The following ABCA10 variants were observed in gnomAD, a reference collection of about 807,000 sequenced individuals.
The protein encoded by ABCA10 is ATP-binding cassette sub-family A member 10.
A neutral mutation model predicts 187.5 loss-of-function variants in ABCA10; 169 were observed. That is an observed-to-expected ratio of 0.90 (90% CI 0.80 to 1.02). The LOEUF is 1.02. ABCA10 is among the 50% of genes least tolerant of loss of function. The pLI is 0.00. For missense variants in ABCA10, 1,727 were observed against 1,812.4 expected (o/e 0.95, Z 0.86); for synonymous variants, 574 against 601.8 (o/e 0.95, Z 0.68).
At chr17:69,224,219 A>C (rs1192603958) in intron 3 of ABCA10, among the ~76,000 whole-genome samples, 2 of 152,162 alleles carry the variant, frequency 1.3e-5, no homozygotes, top group Non-Finnish European at 2.9e-5. Flanking sequence ...TAAAATTCAG[A>C]GTTTGGAGGT....
chr17:69,201,544 A>G lies in ABCA10; in HGVS notation c.1131T>C (p.Ser377=). Residue 377 remains serine, a synonymous_variant, in exon 10 of 39, where the codon TCT becomes TCC. Coordinates refer to ENST00000690296, the MANE Select transcript of ABCA10 (RefSeq NM_001377321.1). ...GGAATTCTGGAGACACCGGTTCAAAAGAATCATCAGAGGAATGCTCAGGAT... is the reference window on the plus strand; with the variant it reads ...GGAATTCTGGAGACACCGGTTCAAAGGAATCATCAGAGGAATGCTCAGGAT... ...EINPEHSSDD[S]FEPVSPEFHG... 1 of 1,607,754 alleles carries G rather than the reference A, an allele frequency of 6.2e-7. No individual in the cohort carries two copies. The highest frequency in any genetic ancestry group is 1.1e-5 in the South Asian group (1 of 89,164).
Position 69,222,680 on chromosome 17 carries a change from T to C in ABCA10, c.52A>G (p.Thr18Ala). 2.5e-6 allele frequency: 4 copies of C among 1,581,318 alleles called. No homozygotes were observed. The highest frequency in any genetic ancestry group is 3.4e-6 in the Non-Finnish European group (4 of 1,171,334). The change falls in exon 4 of 39, where the codon ACA (threonine) becomes GCA (alanine). Residue 18 changes from threonine to alanine, a missense_variant. By Grantham distance (58) the Thr-to-Ala change is moderately conservative (BLOSUM62 0). Coordinates refer to ENST00000690296, the MANE Select transcript of ABCA10 (RefSeq NM_001377321.1). ...ATATCCATGGTCTCTTCATCTGGTG[T>C]CCCAATGACTGTTCTTCCTACCATG... The part of the protein sequence containing the change: ...SFMKGRTVIG[T>A]PDEETMDIEL...
chr17:69,229,672 G>C (rs1468887556), upstream of ABCA10, among the ~76,000 whole-genome samples: 2 of 151,720 alleles, frequency 1.3e-5, no homozygotes, highest in African/African-American at 4.8e-5. Context: ...GAAATAAATG[G>C]TTCCTTTAAT....
Position 69,162,902 on chromosome 17 carries a change from A to G in ABCA10, c.3363+1172T>C, listed in dbSNP as rs559499009. The stretch of plus-strand genomic sequence containing the variant: ...TGCCCAGGCTGGAGTGCAATGGCAC[A>G]ATCTCAGCTCACTGCAACCTCCATC... On this transcript the variant is annotated intron_variant, in intron 27 of 38. Coordinates refer to ENST00000690296, the MANE Select transcript of ABCA10 (RefSeq NM_001377321.1). Among the ~76,000 whole-genome samples the G allele has an allele frequency of 1.1e-4, 16 of 148,204 alleles. No homozygotes were observed. In the East Asian group the frequency reaches 3.2e-3, roughly 29 times the overall value.
intron 25 of ABCA10, among the ~76,000 whole-genome samples, chr17:69,169,918 T>C (rs776267839): frequency 6.6e-6 from 1 of 152,186 alleles, no homozygotes; most frequent in African/African-American, 2.4e-5. Context: ...TTCGTGGCCA[T>C]AGTATTTGTA....
chr17:69,194,367 A>G lies in ABCA10; in HGVS notation c.1345+18T>C, dbSNP rs2144806742. On this transcript the variant is annotated intron_variant, in intron 12 of 38. Transcript: ENST00000690296. ...CTTGCTTTTTCAGCCAACTTACTTT[A>G]TAAAACTGTTTTCTCACCTTCTGTA... The G allele has an allele frequency of 6.3e-7, 1 of 1,589,716 alleles. No individual in the cohort carries two copies.
chr17:69,185,744 G>A (rs1182503166), intron 19 of ABCA10, 101 bp from the exon 20 acceptor site: 2 of 873,486 alleles, frequency 2.3e-6, no homozygotes, highest in Non-Finnish European at 3.4e-6. Flanking sequence ...AAGTCCACAT[G>A]CATATGTGGT....
chr17:69,158,998 A>T (rs1598087593), intron 27 of ABCA10, among the ~76,000 whole-genome samples: 1 of 152,154 alleles, frequency 6.6e-6, no homozygotes, highest in East Asian at 1.9e-4. Flanking sequence ...TAAAATACAA[A>T]GGTTAGTCTA....
Position 69,187,833 on chromosome 17 carries a change from A to G in ABCA10, c.2178T>C (p.Thr726=). The G allele has an allele frequency of 6.2e-7, 1 of 1,613,886 alleles. No individual in the cohort carries two copies. Among genetic ancestry groups the G allele is most frequent in the Non-Finnish European group, 8.5e-7 (1 of 1,179,800 alleles). The change falls in exon 19 of 39, where the codon ACT becomes ACC. Residue 726 remains threonine (T), a synonymous_variant. Transcript: ENST00000690296. ...CCTGTTCCATTTCAGACTCATCTCCAGTATTTCTTGTCACATGTATTTTCT... is the reference window on the plus strand; with the variant it reads ...CCTGTTCCATTTCAGACTCATCTCCGGTATTTCTTGTCACATGTATTTTCT... ...KQEKIHVTRN[T]GDESEMEQVL... is the part of the protein sequence containing the mutation.
chr17:69,182,824 GA>G lies in ABCA10; in HGVS notation c.2498-17del. 1 of 1,478,156 alleles carries G rather than the reference GA, an allele frequency of 6.8e-7. No homozygotes were observed. The highest frequency in any genetic ancestry group is 8.9e-7 in the Non-Finnish European group (1 of 1,120,992). The allele number at this position is 1,478,156 out of a possible 1,614,324, so 91.6% of individuals were successfully genotyped here. A position where few individuals can be genotyped will look rare whatever the true frequency, so the allele number is the denominator to read the frequency against. ...ATATTTGATCCTAACATAGTGGAAG[GA>G]AGGCAACAAGAAAAAAAAAAAAAAA... is the stretch of plus-strand genomic sequence containing the variant. On this transcript the variant is annotated splice_polypyrimidine_tract_variant and intron_variant, in intron 20 of 38. Coordinates refer to ENST00000690296, the MANE Select transcript of ABCA10 (RefSeq NM_001377321.1).
Position 69,187,879 on chromosome 17 carries a change from T to C in ABCA10, c.2132A>G (p.Asp711Gly). ...LEGKSAIDEP[D>G]FDIGKQEKIH... ...TTTCTCTTGTTTCCCAATGTCAAAA[T>C]CTACAATCATGTAATAAAACATTTT... The change falls in exon 19 of 39, where the codon GAT becomes GGT. Residue 711 changes from aspartate to glycine, a missense_variant and splice_region_variant. By Grantham distance (94) the Asp-to-Gly change is moderately conservative. Transcript: ENST00000690296. 1 of 1,612,982 alleles carries C rather than the reference T, an allele frequency of 6.2e-7. No homozygotes were observed. The highest frequency in any genetic ancestry group is 8.5e-7 in the Non-Finnish European group (1 of 1,179,126).
At chr17:69,233,583 T>C (rs887650308), upstream of ABCA10, 1 of 152,226 alleles carries the variant, frequency 6.6e-6, no homozygotes, top group Non-Finnish European at 1.5e-5. Context: ...TTTTGTCCAG[T>C]TGGTAAGGTC....
At chr17:69,181,325 T>C (rs954097351) in intron 22 of ABCA10, among the ~76,000 whole-genome samples, 6 of 152,194 alleles carry the variant, frequency 3.9e-5, no homozygotes, top group African/African-American at 7.2e-5. Flanking sequence ...TAAATACGCA[T>C]TGAGTACCTA....
chr17:69,185,408 C>T, intron 20 of ABCA10, 69 bp downstream of exon 20: 2 of 1,440,180 alleles, frequency 1.4e-6, no homozygotes, highest in Non-Finnish European at 9.3e-7. Context: ...TCAATTGTCT[C>T]TCAGGTATGT....
chr17:69,232,188 A>G (rs911546190), upstream of ABCA10, among the ~76,000 whole-genome samples: 8 of 152,022 alleles, frequency 5.3e-5, no homozygotes, highest in Non-Finnish European at 8.8e-5. Context: ...TTTTTATTCA[A>G]TCAGCCACTT....
chr17:69,237,688 G>C (rs2074880324), intron 1 of ABCA10, among the ~76,000 whole-genome samples: 1 of 152,128 alleles, frequency 6.6e-6, no homozygotes, highest in Non-Finnish European at 1.5e-5. Flanking sequence ...AGCCTCAGTA[G>C]GTGACTGTAT....
At chr17:69,211,215 T>C (rs1414673997) in intron 9 of ABCA10, among the ~76,000 whole-genome samples, 12 of 150,318 alleles carry the variant, frequency 8.0e-5, no homozygotes, top group Admixed American at 8.0e-4. Context: ...ATTGCAAAAA[T>C]AGGGAACCAG....
At chr17:69,181,703 T>C (rs1276593798) in intron 22 of ABCA10, among the ~76,000 whole-genome samples, 1 of 152,036 alleles carries the variant, frequency 6.6e-6, no homozygotes, top group Non-Finnish European at 1.5e-5. Flanking sequence ...GAAAGATTCT[T>C]GATCTTTCAG....
chr17:69,241,286 A>G (rs989165110), intron 1 of ABCA10, among the ~76,000 whole-genome samples: 4 of 152,312 alleles, frequency 2.6e-5, no homozygotes, highest in Non-Finnish European at 5.9e-5. Flanking sequence ...CTCAATATTC[A>G]GAATTAGACC....
Sources: allele counts gnomAD v4.1 joint callset (sites outside exome capture counted in the v4.1 genomes callset), GRCh38; gene constraint gnomAD v4.1.1; transcripts MANE v1.5; gene names NCBI Gene and HGNC (gene_info 2026-07-23, HGNC 2026-07-21).